RPH3A: variants seen among roughly 807,000 people sequenced by gnomAD.
RPH3A encodes rabphilin 3A.
Under a neutral mutation model 102.2 loss-of-function variants are expected in RPH3A, and 48 were observed. The ratio of observed to expected loss-of-function variants is 0.47; its 90% confidence interval spans 0.37 to 0.60. RPH3A has a LOEUF of 0.60. RPH3A is among the 20% of genes least tolerant of loss of function. The pLI, the probability that RPH3A is intolerant of heterozygous loss-of-function variation, is 0.00. For synonymous variants in RPH3A, 310 were observed against 324.3 expected, an observed-to-expected ratio of 0.96 and a Z score of 0.47; for missense variants, 781 against 910.1, an observed-to-expected ratio of 0.86 and a Z score of 1.83.
chr12:112,879,636 GA>G (rs1298932232), intron 14 of RPH3A, among the ~76,000 whole-genome samples: 2 of 152,258 alleles, frequency 1.3e-5, no homozygotes, highest in African/African-American at 4.8e-5. Context: ...GAGACACAGG[GA>G]CACTAATATG....
At chr12:112,723,977 A>G (rs907519680) in intron 1 of RPH3A, among the ~76,000 whole-genome samples, 1 of 152,174 alleles carries the variant, frequency 6.6e-6, no homozygotes, top group Non-Finnish European at 1.5e-5. Flanking sequence ...TATGGTAACA[A>G]ATGATAAAAT....
At chr12:112,732,518 C>A (rs189276474) in intron 1 of RPH3A, among the ~76,000 whole-genome samples, 3 of 152,288 alleles carry the variant, frequency 2.0e-5, no homozygotes, top group Admixed American at 2.0e-4. Flanking sequence ...CTAGGTTCCC[C>A]AAGAAATGGC....
At chr12:112,599,402 A>G (rs1347632471) in intron 1 of RPH3A, among the ~76,000 whole-genome samples, 2 of 152,102 alleles carry the variant, frequency 1.3e-5, no homozygotes, top group Admixed American at 1.3e-4. Flanking sequence ...TGCATCAACT[A>G]CTCAATGGTG....
At chr12:112,775,017 A>G (rs1308156399) in intron 1 of RPH3A, among the ~76,000 whole-genome samples, 1 of 152,042 alleles carries the variant, frequency 6.6e-6, no homozygotes, top group Admixed American at 6.5e-5. Flanking sequence ...GTCTATAAGA[A>G]CATGGCATAT....
At chr12:112,858,289 A>AAG (rs1037711230) in intron 5 of RPH3A, among the ~76,000 whole-genome samples, 3 of 147,362 alleles carry the variant, frequency 2.0e-5, no homozygotes, top group African/African-American at 7.8e-5. Flanking sequence ...AAAAAAAAAA[A>AAG]AAAAAGAAAA....
intron 7 of RPH3A, 32 bp from the exon 8 acceptor site, chr12:112,868,398 C>T (rs984049577): frequency 6.2e-6 from 10 of 1,601,674 alleles, no homozygotes; most frequent in Non-Finnish European, 8.5e-6. Flanking sequence ...GCTTGGCTGC[C>T]ACATCTTCAA....
intron 1 of RPH3A, among the ~76,000 whole-genome samples, chr12:112,746,834 T>C (rs182348101): frequency 3.4e-4 from 52 of 152,224 alleles, no homozygotes; most frequent in Non-Finnish European, 6.2e-4. Flanking sequence ...TCAGTCTCTC[T>C]CTGTCTCACC....
chr12:112,642,263 C>G (rs1398061793), intron 1 of RPH3A, among the ~76,000 whole-genome samples: 1 of 152,132 alleles, frequency 6.6e-6, no homozygotes. Flanking sequence ...CAAGAACTCT[C>G]TGAGGTAGGA....
chr12:112,895,005 A>G (rs1264718110), intron 20 of RPH3A, among the ~76,000 whole-genome samples: 2 of 152,188 alleles, frequency 1.3e-5, no homozygotes, highest in African/African-American at 4.8e-5. Context: ...TGTTTTAGCA[A>G]TGAACATAAA....
intron 15 of RPH3A, among the ~76,000 whole-genome samples, chr12:112,882,056 C>T (rs1045643649): frequency 4.6e-5 from 7 of 152,224 alleles, no homozygotes; most frequent in African/African-American, 1.7e-4. Context: ...TTCTCCAACT[C>T]AGAAACCTGG....
At chr12:112,709,693 T>C (rs1023799532) in intron 1 of RPH3A, among the ~76,000 whole-genome samples, 12 of 152,172 alleles carry the variant, frequency 7.9e-5, no homozygotes, top group Non-Finnish European at 1.6e-4. Flanking sequence ...GTCTGGGACA[T>C]CTGAAAAAAT....
intron 20 of RPH3A, chr12:112,895,514 T>C (rs2043165546): frequency 5.0e-6 from 2 of 402,706 alleles, no homozygotes; most frequent in Non-Finnish European, 9.2e-6. Flanking sequence ...TTGAGCTCTA[T>C]TAGAAAAACC....
At chr12:112,637,840 C>T (rs374158186) in intron 1 of RPH3A, among the ~76,000 whole-genome samples, 1 of 151,902 alleles carries the variant, frequency 6.6e-6, no homozygotes, top group South Asian at 2.1e-4. Context: ...TTCCAGCAGC[C>T]CCACCTGGTT....
intron 1 of RPH3A, among the ~76,000 whole-genome samples, chr12:112,727,458 G>GACACACACACACACAC (rs60493848): frequency 9.8e-5 from 3 of 30,604 alleles, no homozygotes; most frequent in African/African-American, 7.7e-4. Flanking sequence ...CACAGACACA[G>GACACACACACACACAC]ACACACACAC....
intron 4 of RPH3A, among the ~76,000 whole-genome samples, chr12:112,838,715 C>T (rs2042095048): frequency 6.6e-6 from 1 of 152,120 alleles, no homozygotes; most frequent in African/African-American, 2.4e-5. Context: ...AGACATCTGG[C>T]GAGTATTTAT....
chr12:112,673,537 C>CT (rs2136010924), intron 1 of RPH3A, among the ~76,000 whole-genome samples: 2 of 145,280 alleles, frequency 1.4e-5, no homozygotes, highest in East Asian at 4.1e-4. Context: ...TTTTTAAAAA[C>CT]TAAAAAAAAA....
At chr12:112,630,519 C>T (rs2039797053) in intron 1 of RPH3A, among the ~76,000 whole-genome samples, 1 of 152,156 alleles carries the variant, frequency 6.6e-6, no homozygotes, top group Non-Finnish European at 1.5e-5. Flanking sequence ...GCTTCTGCAC[C>T]ACAGTGTCTA....
intron 1 of RPH3A, among the ~76,000 whole-genome samples, chr12:112,707,310 C>A (rs973945616): frequency 1.1e-4 from 16 of 152,214 alleles, no homozygotes; most frequent in Non-Finnish European, 2.2e-4. Flanking sequence ...CCTCCTCGAC[C>A]ATCACCATCC....
chr12:112,853,175 C>G (rs190886286), intron 5 of RPH3A, among the ~76,000 whole-genome samples: 44 of 152,214 alleles, frequency 2.9e-4, no homozygotes, highest in African/African-American at 1.0e-3. Flanking sequence ...CTGGAACTTG[C>G]TATGTCTAAT....
Sources: allele counts gnomAD v4.1 joint callset (sites outside exome capture counted in the v4.1 genomes callset), GRCh38; gene constraint gnomAD v4.1.1; transcripts MANE v1.5; gene names NCBI Gene and HGNC (gene_info 2026-07-23, HGNC 2026-07-21).